EDIL3: variants seen among roughly 807,000 people sequenced by gnomAD.
The protein encoded by EDIL3 is EGF like and discoidin domains 3, also known as EGF-like repeat and discoidin I-like domain-containing protein 3.
EDIL3 carries 37 observed loss-of-function variants against 67.4 expected under a neutral mutation model. That is an observed-to-expected ratio of 0.55 (90% confidence interval 0.42 to 0.72). The LOEUF (loss-of-function observed/expected upper bound fraction) is 0.72, where lower values mean the gene tolerates loss of function less well. EDIL3 is among the 30% of genes least tolerant of loss of function. EDIL3 has a pLI of 0.00. For missense variants in EDIL3, 527 were observed against 586.3 expected (o/e 0.90, Z 1.04); for synonymous variants, 195 against 196.3 (o/e 0.99, Z 0.05).
At chr5:84,106,591 G>T (rs984125378) in intron 6 of EDIL3, 58 bp downstream of exon 6, 6 of 1,488,208 alleles carry the variant, frequency 4.0e-6, no homozygotes, top group Non-Finnish European at 5.4e-6. Context: ...TTTTTAAAAT[G>T]ACCAGAATCA....
Position 84,198,477 on chromosome 5 carries a change from T to C in EDIL3, c.227-17956A>G, listed in dbSNP as rs183356351. Among the ~76,000 whole-genome samples the C allele has an allele frequency of 1.9e-4, 29 of 152,208 alleles. No individual in the cohort carries two copies. In the East Asian group the frequency reaches 5.4e-3, roughly 28 times the overall value. ...GCCTATATACATTATCTTGTGTATA[T>C]ATTTATAACAAGCTTAAAAAGTCTT... is the stretch of plus-strand genomic sequence containing the variant. On this transcript the variant is annotated intron_variant, in intron 3 of 10. Transcript: ENST00000296591.
intron 3 of EDIL3, among the ~76,000 whole-genome samples, chr5:84,225,649 T>C (rs553091402): frequency 1.2e-4 from 18 of 151,654 alleles, no homozygotes; most frequent in Non-Finnish European, 2.4e-4. Flanking sequence ...TTTTTTTCAT[T>C]CTATATGTTA....
At chr5:84,285,419 A>C (rs1745790257) in intron 1 of EDIL3, among the ~76,000 whole-genome samples, 1 of 152,200 alleles carries the variant, frequency 6.6e-6, no homozygotes. Flanking sequence ...AGTATCTCAT[A>C]TTTAAGAAGC....
At chr5:84,341,983 T>C (rs1032071296) in intron 1 of EDIL3, among the ~76,000 whole-genome samples, 9 of 152,042 alleles carry the variant, frequency 5.9e-5, no homozygotes, top group African/African-American at 2.2e-4. Context: ...AGACCTACCA[T>C]TGATCCAACA....
intron 1 of EDIL3, among the ~76,000 whole-genome samples, chr5:84,343,315 CT>C (rs376729459): frequency 3.3e-5 from 5 of 151,098 alleles, no homozygotes; most frequent in Non-Finnish European, 7.4e-5. Context: ...ACATTTACAA[CT>C]TTTTTTTTCA....
intron 10 of EDIL3, among the ~76,000 whole-genome samples, chr5:83,958,986 C>G (rs745730515): frequency 6.6e-6 from 1 of 150,930 alleles, no homozygotes; most frequent in African/African-American, 2.4e-5. Flanking sequence ...TCATCACAGG[C>G]TCAATTACAA....
chr5:84,365,978 G>C (rs899556014), intron 1 of EDIL3, among the ~76,000 whole-genome samples: 2 of 151,940 alleles, frequency 1.3e-5, no homozygotes, highest in South Asian at 4.2e-4. Context: ...AAGGTATCAG[G>C]GCAAATAAAT....
rs1371750406 is a variant in EDIL3, at chr5:84,312,359, C to T, written c.68-58147G>A. 2.2e-4 allele frequency among the ~76,000 whole-genome samples: 32 copies of T among 143,490 alleles called. 1 individual carries two copies. Among genetic ancestry groups the T allele is most frequent in the East Asian group, 1.1e-3 (5 of 4,588 alleles). The allele number at this position is 143,490 out of a possible 152,430, so 94.1% of individuals were successfully genotyped here. A position where few individuals can be genotyped will look rare whatever the true frequency, so the allele number is the denominator to read the frequency against. The stretch of plus-strand genomic sequence containing the variant: ...CTGACCCCCCCACCTCCCTCCCGGA[C>T]GGGGCGGCTGGCCGGGCGGGGGGCT... On this transcript the variant is annotated intron_variant, in intron 1 of 10. Transcript: ENST00000296591.
At chr5:84,323,357 G>A (rs751035680) in intron 1 of EDIL3, among the ~76,000 whole-genome samples, 24 of 151,926 alleles carry the variant, frequency 1.6e-4, no homozygotes, top group Non-Finnish European at 3.1e-4. Context: ...TTAGAGTACT[G>A]TAAGTTTAGG....
intron 9 of EDIL3, among the ~76,000 whole-genome samples, chr5:83,986,073 A>G (rs1745053487): frequency 6.6e-6 from 1 of 152,142 alleles, no homozygotes; most frequent in South Asian, 2.1e-4. Context: ...GAGTGGTTAA[A>G]TATCTTGATT....
At chr5:84,176,202 T>TATATATATATATATA (rs1748905092) in intron 4 of EDIL3, among the ~76,000 whole-genome samples, 1 of 10,100 alleles carries the variant, frequency 9.9e-5, no homozygotes, top group Non-Finnish European at 1.8e-4. Flanking sequence ...ATATATAATA[T>TATATATATATATATA]ATATATATAT....
chr5:84,323,458 A>G (rs1292779770), intron 1 of EDIL3, among the ~76,000 whole-genome samples: 1 of 151,990 alleles, frequency 6.6e-6, no homozygotes, highest in African/African-American at 2.4e-5. Flanking sequence ...GTTTCAATAT[A>G]AAAAATCAAT....
chr5:84,329,506 T>A (rs1344694920), intron 1 of EDIL3, among the ~76,000 whole-genome samples: 1 of 152,132 alleles, frequency 6.6e-6, no homozygotes, highest in Non-Finnish European at 1.5e-5. Flanking sequence ...TTTGACTACA[T>A]CATATGACAC....
At chr5:84,330,972 G>A (rs972649415) in intron 1 of EDIL3, among the ~76,000 whole-genome samples, 1 of 152,214 alleles carries the variant, frequency 6.6e-6, no homozygotes, top group Non-Finnish European at 1.5e-5. Flanking sequence ...CTGGATGTGA[G>A]ACATGGAGTC....
At chr5:83,972,369 A>G (rs1200636632) in intron 9 of EDIL3, among the ~76,000 whole-genome samples, 1 of 152,046 alleles carries the variant, frequency 6.6e-6, no homozygotes, top group African/African-American at 2.4e-5. Context: ...TTCAGATGTC[A>G]CAGTTCACAC....
In EDIL3 at chr5:84,317,168, A is replaced by T. The variant is rs561666087; in HGVS notation, c.68-62956T>A. 5.9e-5 allele frequency among the ~76,000 whole-genome samples: 9 copies of T among 152,320 alleles called. No homozygotes were observed. The South Asian group carries it at 1.9e-3, about 32-fold the overall frequency. ...CCACAAGAGAAAGGAGGAAAGATCT[A>T]AAATCGACACCCTAAAATCACAATT... On this transcript the variant is annotated intron_variant, in intron 1 of 10. Transcript: ENST00000296591.
chr5:84,076,431 A>G (rs1285486429), intron 6 of EDIL3, among the ~76,000 whole-genome samples: 1 of 152,146 alleles, frequency 6.6e-6, no homozygotes, highest in Admixed American at 6.5e-5. Context: ...AAGATTTTGT[A>G]TTCCTTGTGT....
chr5:84,253,217 T>C (rs937242483), intron 2 of EDIL3, among the ~76,000 whole-genome samples: 1 of 152,192 alleles, frequency 6.6e-6, no homozygotes, highest in Non-Finnish European at 1.5e-5. Context: ...CCAAAGCCAT[T>C]GAAGTGTCCT....
intron 6 of EDIL3, among the ~76,000 whole-genome samples, chr5:84,071,253 T>C (rs373614979): frequency 1.3e-5 from 2 of 152,196 alleles, no homozygotes; most frequent in East Asian, 3.9e-4. Flanking sequence ...CTACATCAAC[T>C]CAATCCATTT....
Sources: gnomAD v4.1 joint callset for allele counts (sites outside exome capture counted in the v4.1 genomes callset) on GRCh38, gnomAD v4.1.1 for gene constraint, MANE v1.5 for transcripts, NCBI Gene and HGNC (gene_info 2026-07-23, HGNC 2026-07-21) for gene names.